Variants in COTL1 observed in about 807,000 individuals in gnomAD.
COTL1 encodes the protein coactosin-like protein.
In COTL1, 15 loss-of-function variants were observed where a neutral mutation model predicts 16.5. The ratio of observed to expected loss-of-function variants is 0.91; its 90% CI spans 0.61 to 1.40. COTL1 has a LOEUF of 1.40. COTL1 is among the 40% of genes most tolerant of loss of function. The pLI is 0.00. For missense variants in COTL1, 220 were observed against 201.5 expected, an observed-to-expected ratio of 1.09 and a Z score of -0.56; for synonymous variants, 112 against 85.3, an observed-to-expected ratio of 1.31 and a Z score of -1.73.
intron 2 of COTL1, among the ~76,000 whole-genome samples, chr16:84,612,338 C>T (rs955371326): frequency 5.3e-4 from 81 of 152,120 alleles, no homozygotes; most frequent in African/African-American, 1.8e-3. Flanking sequence ...CATGCAGACC[C>T]GGGCCAAGGG....
intron 2 of COTL1, among the ~76,000 whole-genome samples, chr16:84,597,098 C>T (rs1567537287): frequency 6.6e-6 from 1 of 152,208 alleles, no homozygotes; most frequent in Non-Finnish European, 1.5e-5. Context: ...GCTGTTCCAG[C>T]TGTAGAATGG....
intron 2 of COTL1, among the ~76,000 whole-genome samples, chr16:84,603,126 C>T (rs1196297115): frequency 1.3e-5 from 2 of 152,180 alleles, no homozygotes; most frequent in East Asian, 1.9e-4. Flanking sequence ...CCGGAGGCCT[C>T]TCCATCTCTG....
intron 2 of COTL1, among the ~76,000 whole-genome samples, chr16:84,607,988 C>T (rs765996708): frequency 1.3e-5 from 2 of 152,156 alleles, no homozygotes; most frequent in Non-Finnish European, 2.9e-5. Flanking sequence ...GCAAGTCTAG[C>T]CACGCAGAAG....
chr16:84,585,674 G>T (rs1322271735), intron 3 of COTL1, among the ~76,000 whole-genome samples: 1 of 152,166 alleles, frequency 6.6e-6, no homozygotes, highest in Non-Finnish European at 1.5e-5. Flanking sequence ...AGGGGAAGTT[G>T]ATAGGCATGC....
intron 2 of COTL1, chr16:84,595,973 T>C (rs1241592133): frequency 1.3e-5 from 2 of 152,168 alleles, no homozygotes; most frequent in Non-Finnish European, 2.9e-5. Flanking sequence ...TGTATGTGTA[T>C]ATGTGTGTGT....
chr16:84,585,887 G>C (rs1904718552), intron 3 of COTL1, among the ~76,000 whole-genome samples: 2 of 152,194 alleles, frequency 1.3e-5, no homozygotes, highest in Non-Finnish European at 2.9e-5. Context: ...TGTAGTTCAG[G>C]CCAGTATTCC....
chr16:84,589,117 T>C (rs1904801552), intron 3 of COTL1, among the ~76,000 whole-genome samples: 1 of 152,046 alleles, frequency 6.6e-6, no homozygotes. Flanking sequence ...ACTACAGCCA[T>C]GTGCCACCAT....
chr16:84,605,018 C>T (rs4782641), intron 2 of COTL1, among the ~76,000 whole-genome samples: 51,830 of 152,052 alleles, frequency 0.34, 8,842 homozygotes, highest in South Asian at 0.42. Flanking sequence ...AGGGAACACT[C>T]GGGTTCAGGA....
At chr16:84,616,504 A>AAAAT (rs371812172) in intron 2 of COTL1, 8,050 of 150,106 alleles carry the variant, frequency 0.054, 345 homozygotes, top group East Asian at 0.1. Flanking sequence ...TTCTGTCTCA[A>AAAAT]AAATAAATAA....
intron 3 of COTL1, among the ~76,000 whole-genome samples, chr16:84,573,344 C>T (rs1560250): frequency 0.62 from 94,991 of 152,184 alleles, 29,695 homozygotes; most frequent in Middle Eastern, 0.78. Flanking sequence ...AGACAGAACA[C>T]GAAAGCGTCT....
Position 84,607,083 on chromosome 16 carries a change from G to A in COTL1, c.160+10418C>T, listed in dbSNP as rs115928429. 2.7e-3 allele frequency among the ~76,000 whole-genome samples: 409 copies of A among 152,258 alleles called. 3 individuals carry two copies. Among genetic ancestry groups the A allele is most frequent in the Middle Eastern group, 0.01 (3 of 294 alleles). On this transcript the variant is annotated intron_variant, in intron 2 of 3. Coordinates refer to ENST00000262428, the MANE Select transcript of COTL1 (RefSeq NM_021149.5). ...TAACCATGAAGGATGGGGATTCCCCGCCAAGGATACCACCACCAAAGGGAC... is the reference window on the plus strand; with the variant it reads ...TAACCATGAAGGATGGGGATTCCCCACCAAGGATACCACCACCAAAGGGAC...
chr16:84,598,284 C>G (rs1281665162), intron 2 of COTL1, among the ~76,000 whole-genome samples: 1 of 152,176 alleles, frequency 6.6e-6, no homozygotes, highest in Admixed American at 6.5e-5. Context: ...GTCTATGAAG[C>G]CTCATCAGAA....
chr16:84,598,815 C>G (rs1316392193), intron 2 of COTL1, among the ~76,000 whole-genome samples: 2 of 29,770 alleles, frequency 6.7e-5, no homozygotes, highest in East Asian at 7.7e-4. Context: ...GGGGACCAAG[C>G]GGCAGGGGTG....
intron 3 of COTL1, among the ~76,000 whole-genome samples, chr16:84,585,533 T>A (rs1299469284): frequency 6.6e-6 from 1 of 152,134 alleles, no homozygotes. Flanking sequence ...CCAATCTACT[T>A]CTTCTTCATA....
At chr16:84,577,263 G>C (rs1036117696) in intron 3 of COTL1, among the ~76,000 whole-genome samples, 1 of 151,642 alleles carries the variant, frequency 6.6e-6, no homozygotes, top group African/African-American at 2.4e-5. Context: ...TTGGTTTTTT[G>C]AGACAGAGTC....
rs544677883 is a variant in COTL1 at position 84,610,160 on chromosome 16, G to C, written c.160+7341C>G. Among the ~76,000 whole-genome samples the C allele has an allele frequency of 2.6e-5, 4 of 152,332 alleles. No individual in the cohort carries two copies. In the South Asian group the frequency reaches 6.2e-4, roughly 24 times the overall value. On this transcript the variant is annotated intron_variant, in intron 2 of 3. Transcript: ENST00000262428. ...ATTTCCTCAGTCAGTTCTCACATGA[G>C]AGGCTTTAAATTCCTTGTCCAGCCT... is the stretch of plus-strand genomic sequence containing the variant.
Position 84,587,931 on chromosome 16 carries a change from C to A in COTL1, c.318+2174G>T, listed in dbSNP as rs181104147. Among the ~76,000 whole-genome samples the A allele has an allele frequency of 4.3e-3, 649 of 152,044 alleles. 7 individuals carry two copies. Among genetic ancestry groups the A allele is most frequent in the Non-Finnish European group, 6.6e-3 (448 of 67,990 alleles). ...GGATTACAGGTGCCCACCACCACAC[C>A]CGGCTAATTTCTGTATTTTTAGCAG... On this transcript the variant is annotated intron_variant, in intron 3 of 3. Transcript: ENST00000262428.
intron 3 of COTL1, among the ~76,000 whole-genome samples, chr16:84,573,543 G>C (rs1193247939): frequency 6.6e-6 from 1 of 152,174 alleles, no homozygotes; most frequent in Non-Finnish European, 1.5e-5. Flanking sequence ...GGGAGGCCGA[G>C]GTGAGTGGAT....
At chr16:84,599,858 C>G (rs911976745) in intron 2 of COTL1, among the ~76,000 whole-genome samples, 17 of 152,208 alleles carry the variant, frequency 1.1e-4, no homozygotes, top group African/African-American at 4.1e-4. Context: ...GGAAAGAATT[C>G]TTACATCCTG....
Sources: gnomAD v4.1 joint callset for allele counts (sites outside exome capture counted in the v4.1 genomes callset) on GRCh38, gnomAD v4.1.1 for gene constraint, MANE v1.5 for transcripts, NCBI Gene and HGNC (gene_info 2026-07-23, HGNC 2026-07-21) for gene names.